Variants in SEC63 observed in about 807,000 individuals in gnomAD.
SEC63 encodes the protein SEC63 protein translocation regulator.
A neutral mutation model predicts 116.2 loss-of-function variants in SEC63; 56 were observed. The ratio of observed to expected loss-of-function variants is 0.48; its 90% CI spans 0.39 to 0.60. SEC63 has a LOEUF of 0.60. SEC63 is among the 20% of genes least tolerant of loss of function. The pLI is 0.00. For synonymous variants in SEC63, 273 were observed against 294.6 expected (o/e 0.93, Z 0.75); for missense variants, 668 against 900.0 (o/e 0.74, Z 3.30).
At chr6:107,910,007 G>A (rs1787238701) in intron 7 of SEC63, among the ~76,000 whole-genome samples, 1 of 152,046 alleles carries the variant, frequency 6.6e-6, no homozygotes, top group South Asian at 2.1e-4. Flanking sequence ...ACAGAATAAT[G>A]CACACATACA....
intron 1 of SEC63, among the ~76,000 whole-genome samples, chr6:107,953,076 A>G (rs1485842021): frequency 6.6e-6 from 1 of 152,228 alleles, no homozygotes; most frequent in Non-Finnish European, 1.5e-5. Context: ...CCTGGCCAAC[A>G]TGGTGAAACC....
chr6:107,888,152 G>A (rs189042382), intron 16 of SEC63, among the ~76,000 whole-genome samples: 117 of 152,192 alleles, frequency 7.7e-4, no homozygotes, highest in Non-Finnish European at 1.4e-3. Context: ...AGCTTGATTG[G>A]GATAGCATTG....
At chr6:107,878,384 C>G (rs1786330019) in intron 18 of SEC63, among the ~76,000 whole-genome samples, 2 of 152,172 alleles carry the variant, frequency 1.3e-5, no homozygotes, top group Admixed American at 1.3e-4. Context: ...ACATGAGGTA[C>G]AATATCACCT....
chr6:107,886,445 A>G (rs934880771), intron 16 of SEC63, among the ~76,000 whole-genome samples: 4 of 152,214 alleles, frequency 2.6e-5, no homozygotes, highest in Admixed American at 6.5e-5. Flanking sequence ...GACTTCCACA[A>G]GGGTTGAACT....
intron 11 of SEC63, among the ~76,000 whole-genome samples, chr6:107,903,301 T>A (rs566560372): frequency 6.6e-6 from 1 of 151,926 alleles, no homozygotes; most frequent in Non-Finnish European, 1.5e-5. Context: ...AGAACCAACA[T>A]CACCCGTAAC....
intron 1 of SEC63, among the ~76,000 whole-genome samples, chr6:107,940,445 G>A (rs1770351612): frequency 6.6e-6 from 1 of 151,946 alleles, no homozygotes; most frequent in Non-Finnish European, 1.5e-5. Context: ...TGACATTTTG[G>A]ACTATACAAT....
At chr6:107,906,309 C>A in intron 10 of SEC63, 139 bp downstream of exon 10, 2 of 989,130 alleles carry the variant, frequency 2.0e-6, no homozygotes, top group East Asian at 2.4e-5. Flanking sequence ...GCCAATTAAA[C>A]CTCTTTTGTT....
chr6:107,945,765 C>A (rs1393727444), intron 1 of SEC63, among the ~76,000 whole-genome samples: 1 of 148,564 alleles, frequency 6.7e-6, no homozygotes, highest in Non-Finnish European at 1.5e-5. Flanking sequence ...TAATCACCTT[C>A]TTTATGTCTG....
Position 107,869,424 on chromosome 6 carries a change from A to G in SEC63, c.*2280T>C, listed in dbSNP as rs879335961. 28 of 152,268 alleles carry G rather than the reference A, an allele frequency of 1.8e-4. No individual in the cohort carries two copies. Among genetic ancestry groups the G allele is most frequent in the Admixed American group, 1.8e-3 (28 of 15,294 alleles). 9.4% of individuals were successfully genotyped at this position (152,268 alleles called of 1,614,324 possible). On this transcript the variant is annotated 3_prime_UTR_variant, in exon 21 of 21. Transcript: ENST00000369002. ...CACATAATTTAACTGTTTCAATTTC[A>G]CTTCCTATACACTGTATGATCTATA... is the stretch of plus-strand genomic sequence containing the variant.
chr6:107,879,653 A>ATCTGAAAT (rs1287017225), intron 18 of SEC63, among the ~76,000 whole-genome samples: 1 of 151,906 alleles, frequency 6.6e-6, no homozygotes, highest in Non-Finnish European at 1.5e-5. Context: ...ATAAATAATG[A>ATCTGAAAT]TCTGAAATGT....
chr6:107,897,874 C>T (rs959256444), intron 13 of SEC63, 143 bp from the exon 14 acceptor site: 4 of 671,242 alleles, frequency 6.0e-6, no homozygotes, highest in Non-Finnish European at 8.0e-6. Flanking sequence ...AAAAAAATAA[C>T]TGATTGACTA....
chr6:107,893,422 G>C, intron 16 of SEC63, 60 bp downstream of exon 16: 1 of 1,523,326 alleles, frequency 6.6e-7, no homozygotes. Flanking sequence ...CGTAAGACTT[G>C]AACATTTTAG....
chr6:107,936,402 T>C (rs1013140007), intron 1 of SEC63, among the ~76,000 whole-genome samples: 1 of 152,224 alleles, frequency 6.6e-6, no homozygotes, highest in Non-Finnish European at 1.5e-5. Context: ...TCAAAGTAAC[T>C]ATTATGAGTC....
intron 13 of SEC63, among the ~76,000 whole-genome samples, chr6:107,898,179 C>T (rs1012094486): frequency 4.0e-5 from 6 of 151,482 alleles, no homozygotes; most frequent in African/African-American, 1.5e-4. Flanking sequence ...TGGAGGATAG[C>T]TTGAACCTGG....
chr6:107,894,040 C>A, intron 14 of SEC63, 143 bp from the exon 15 acceptor site: 1 of 841,904 alleles, frequency 1.2e-6, no homozygotes, highest in Non-Finnish European at 2.0e-6. Flanking sequence ...TTAGCAATTA[C>A]TAGCTGATGA....
In SEC63 at chr6:107,870,521, T is replaced by C. The variant is rs1786106565; in HGVS notation, c.*1183A>G. ...CTTATGTTTCCTCCATATCTAGGAA[T>C]AAAAATATCCACCCTCCCTCAATGA... On this transcript the variant is annotated 3_prime_UTR_variant, in exon 21 of 21. Transcript: ENST00000369002. The C allele has an allele frequency of 6.6e-6, 1 of 152,434 alleles. No homozygotes were observed. The highest frequency in any genetic ancestry group is 1.5e-5 in the Non-Finnish European group (1 of 68,028). The allele number at this position is 152,434 out of a possible 1,614,324, so 9.4% of individuals were successfully genotyped here. A position where few individuals can be genotyped will look rare whatever the true frequency, so the allele number is the denominator to read the frequency against.
At chr6:107,910,547 ACATATATG>A (rs1787253848) in intron 7 of SEC63, among the ~76,000 whole-genome samples, 1 of 152,226 alleles carries the variant, frequency 6.6e-6, no homozygotes, top group African/African-American at 2.4e-5. Flanking sequence ...ATACATATAT[ACATATATG>A]CATGTCATAC....
intron 7 of SEC63, chr6:107,911,144 T>G: frequency 1.7e-6 from 1 of 587,372 alleles, no homozygotes; most frequent in Non-Finnish European, 3.0e-6. Flanking sequence ...CAGGCTGGAG[T>G]GCAGAGGTGG....
intron 1 of SEC63, among the ~76,000 whole-genome samples, chr6:107,944,516 G>A (rs984932790): frequency 6.6e-6 from 1 of 152,034 alleles, no homozygotes; most frequent in Non-Finnish European, 1.5e-5. Context: ...TGGCCAACAT[G>A]GTGAAACCCG....
Sources: gnomAD v4.1 joint callset for allele counts (sites outside exome capture counted in the v4.1 genomes callset) on GRCh38, gnomAD v4.1.1 for gene constraint, MANE v1.5 for transcripts, NCBI Gene and HGNC (gene_info 2026-07-23, HGNC 2026-07-21) for gene names.